ATG4C: variants seen among roughly 807,000 people sequenced by gnomAD.
The protein encoded by ATG4C is autophagy related 4C cysteine peptidase, also known as cysteine protease ATG4C.
In ATG4C, 56 loss-of-function variants were observed where a neutral mutation model predicts 57.6. That is an observed-to-expected ratio of 0.97 (90% confidence interval 0.78 to 1.21). ATG4C has a LOEUF of 1.21. Among genes scored for constraint, ATG4C ranks in the 50% most tolerant of loss-of-function variants. ATG4C has a pLI of 0.00. For missense variants in ATG4C, 595 were observed against 529.8 expected (o/e 1.12, Z -1.21); for synonymous variants, 157 against 174.1 (o/e 0.90, Z 0.78).
intron 4 of ATG4C, among the ~76,000 whole-genome samples, chr1:62,817,907 T>C (rs920100001): frequency 6.6e-6 from 1 of 152,162 alleles, no homozygotes; most frequent in African/African-American, 2.4e-5. Flanking sequence ...TTTGTAGAGA[T>C]TATTGATGAG....
chr1:62,798,681 G>A (rs141132769), intron 1 of ATG4C, among the ~76,000 whole-genome samples: 1,601 of 150,906 alleles, frequency 0.011, 27 homozygotes, highest in African/African-American at 0.037. Flanking sequence ...GTCTTGCTCT[G>A]TTGCCCAGGC....
chr1:62,825,788 T>G (rs1665630134), intron 6 of ATG4C, among the ~76,000 whole-genome samples: 1 of 152,194 alleles, frequency 6.6e-6, no homozygotes, highest in Non-Finnish European at 1.5e-5. Flanking sequence ...TCTTTATAAA[T>G]GGCAACTTTC....
chr1:62,821,591 T>C (rs1665484737), intron 6 of ATG4C, among the ~76,000 whole-genome samples: 1 of 152,140 alleles, frequency 6.6e-6, no homozygotes, highest in Non-Finnish European at 1.5e-5. Flanking sequence ...TTCTCACTAA[T>C]ACTTCAGTAA....
At chr1:62,836,821 A>C (rs1030922348) in intron 9 of ATG4C, among the ~76,000 whole-genome samples, 1 of 152,122 alleles carries the variant, frequency 6.6e-6, no homozygotes, top group African/African-American at 2.4e-5. Flanking sequence ...CTGATTCCAC[A>C]TAAATAATTG....
chr1:62,789,542 G>C (rs987134620), intron 1 of ATG4C, among the ~76,000 whole-genome samples: 1 of 152,162 alleles, frequency 6.6e-6, no homozygotes, highest in Non-Finnish European at 1.5e-5. Context: ...GGCCGGGCGT[G>C]GTGGCTCATG....
chr1:62,838,891 G>A (rs12087158), intron 9 of ATG4C, among the ~76,000 whole-genome samples: 2,889 of 152,092 alleles, frequency 0.019, 83 homozygotes, highest in African/African-American at 0.066. Context: ...ATTTATATCT[G>A]TGTTTTTGTG....
intron 10 of ATG4C, among the ~76,000 whole-genome samples, chr1:62,853,241 C>G (rs1364513390): frequency 6.6e-6 from 1 of 151,418 alleles, no homozygotes. Flanking sequence ...TTTTTTTTCT[C>G]TGAGAGCTTT....
At chr1:62,788,440 C>T (rs1664159063) in intron 1 of ATG4C, among the ~76,000 whole-genome samples, 1 of 151,770 alleles carries the variant, frequency 6.6e-6, no homozygotes. Context: ...TACACACACA[C>T]ACACACACAC....
At chr1:62,829,886 CTT>C (rs1665785094) in intron 7 of ATG4C, among the ~76,000 whole-genome samples, 1 of 151,948 alleles carries the variant, frequency 6.6e-6, no homozygotes, top group Admixed American at 6.6e-5. Context: ...TTAGTAGTCT[CTT>C]TTTGCAGCAA....
Position 62,802,414 on chromosome 1 carries a change from G to A in ATG4C, c.-68-1305G>A, listed in dbSNP as rs141093548. Among the ~76,000 whole-genome samples the A allele has an allele frequency of 1.3e-4, 20 of 150,976 alleles. No individual in the cohort carries two copies. The East Asian group carries it at 3.7e-3, about 28-fold the overall frequency. On this transcript the variant is annotated intron_variant, in intron 1 of 10. Coordinates refer to ENST00000317868, the MANE Select transcript of ATG4C (RefSeq NM_032852.4). ...TGCTCATTGGAGCATTTTGGATTTT[G>A]GATTTTCGGATTAACGATCCTCAAC...
At chr1:62,857,367 A>C (rs1666717892) in intron 10 of ATG4C, among the ~76,000 whole-genome samples, 1 of 152,158 alleles carries the variant, frequency 6.6e-6, no homozygotes, top group Non-Finnish European at 1.5e-5. Flanking sequence ...CCTTATGAGA[A>C]TCTAAGGCTT....
rs74639543 is a variant in ATG4C, at chr1:62,800,083, C to T, written c.-68-3636C>T. 8.4e-3 allele frequency among the ~76,000 whole-genome samples: 1,275 copies of T among 152,146 alleles called. 37 individuals carry two copies. Among genetic ancestry groups the T allele is most frequent in the African/African-American group, 0.029 (1,192 of 41,510 alleles). On this transcript the variant is annotated intron_variant, in intron 1 of 10. Coordinates refer to ENST00000317868, the MANE Select transcript of ATG4C (RefSeq NM_032852.4). ...ATTGCTCACTGTCTTCATTTTTTCC[C>T]CATCCAGATTAAGGCATCTTGGTTT...
intron 2 of ATG4C, among the ~76,000 whole-genome samples, chr1:62,804,321 A>G (rs2100296624): frequency 6.6e-6 from 1 of 151,584 alleles, no homozygotes; most frequent in Middle Eastern, 3.4e-3. Flanking sequence ...TGAACTCTTG[A>G]CCTCGTGATC....
chr1:62,821,250 C>A lies in ATG4C; in HGVS notation c.796+41C>A, dbSNP rs1442029426. On this transcript the variant is annotated intron_variant, in intron 6 of 10. Coordinates refer to ENST00000317868, the MANE Select transcript of ATG4C (RefSeq NM_032852.4). ...AATTCTAATCTTTGTTTTATTTGGT[C>A]ATACTTTTTATATGTGTTTAGCTTA... is the stretch of plus-strand genomic sequence containing the variant. 4 of 1,383,356 alleles carry A rather than the reference C, an allele frequency of 2.9e-6. No homozygotes were observed. The South Asian group carries it at 4.3e-5, about 15-fold the overall frequency. 85.7% of individuals were successfully genotyped at this position (1,383,356 alleles called of 1,614,324 possible). A position where few individuals can be genotyped will look rare whatever the true frequency, so the allele number is the denominator to read the frequency against.
intron 1 of ATG4C, among the ~76,000 whole-genome samples, chr1:62,797,427 G>A (rs910131176): frequency 6.6e-6 from 1 of 151,962 alleles, no homozygotes; most frequent in African/African-American, 2.4e-5. Flanking sequence ...TATTGTTTAT[G>A]AGTTAATAAT....
At chr1:62,787,851 T>TTA (rs749055737) in intron 1 of ATG4C, among the ~76,000 whole-genome samples, 1 of 152,148 alleles carries the variant, frequency 6.6e-6, no homozygotes, top group Non-Finnish European at 1.5e-5. Flanking sequence ...AAGTGTTTAT[T>TTA]ATCATTATTA....
At chr1:62,845,653 C>T (rs1666305647) in intron 10 of ATG4C, among the ~76,000 whole-genome samples, 1 of 152,006 alleles carries the variant, frequency 6.6e-6, no homozygotes, top group Non-Finnish European at 1.5e-5. Flanking sequence ...ATACTCCTTC[C>T]AGAAGTTTTA....
chr1:62,831,694 C>G (rs1282609912), intron 7 of ATG4C, among the ~76,000 whole-genome samples: 2 of 151,984 alleles, frequency 1.3e-5, no homozygotes, highest in African/African-American at 4.8e-5. Context: ...TAAATTTTCA[C>G]CACTAGAAAA....
intron 6 of ATG4C, among the ~76,000 whole-genome samples, chr1:62,822,828 A>G (rs1282458368): frequency 6.6e-6 from 1 of 152,028 alleles, no homozygotes; most frequent in African/African-American, 2.4e-5. Context: ...TTAAATACTT[A>G]GGACTATGTA....
Sources: gnomAD v4.1 joint callset for allele counts (sites outside exome capture counted in the v4.1 genomes callset) on GRCh38, gnomAD v4.1.1 for gene constraint, MANE v1.5 for transcripts, NCBI Gene and HGNC (gene_info 2026-07-23, HGNC 2026-07-21) for gene names.